Variants in ADCY8 observed in about 807,000 individuals in gnomAD.
The protein encoded by ADCY8 is adenylate cyclase 8, also known as adenylate cyclase type 8.
In ADCY8, 51 loss-of-function variants were observed where a neutral mutation model predicts 119.7. The ratio of observed to expected loss-of-function variants is 0.43; its 90% CI spans 0.34 to 0.54. ADCY8 has a LOEUF of 0.54. Among genes scored for constraint, ADCY8 ranks in the 20% least tolerant of loss-of-function variants. ADCY8 has a pLI of 0.03. For synonymous variants in ADCY8, 665 were observed against 651.0 expected, an observed-to-expected ratio of 1.02 and a Z score of -0.33; for missense variants, 1,383 against 1,598.8, an observed-to-expected ratio of 0.87 and a Z score of 2.30.
chr8:130,955,964 T>C (rs1002732677), intron 2 of ADCY8, among the ~76,000 whole-genome samples: 1 of 152,114 alleles, frequency 6.6e-6, no homozygotes, highest in Non-Finnish European at 1.5e-5. Flanking sequence ...GGGCAACATG[T>C]CAAGACCTCA....
chr8:130,886,544 GA>G (rs1193575467), intron 7 of ADCY8, among the ~76,000 whole-genome samples: 6 of 152,076 alleles, frequency 3.9e-5, no homozygotes, highest in Admixed American at 2.0e-4. Flanking sequence ...TTTTTGGTCA[GA>G]AATTTTTTTC....
intron 2 of ADCY8, among the ~76,000 whole-genome samples, chr8:130,973,488 C>T (rs1279955855): frequency 6.6e-6 from 1 of 152,192 alleles, no homozygotes; most frequent in Non-Finnish European, 1.5e-5. Flanking sequence ...TGCCCTGGTC[C>T]ACAGTCTTCC....
intron 1 of ADCY8, among the ~76,000 whole-genome samples, chr8:131,010,333 C>T (rs954467055): frequency 1.3e-5 from 2 of 152,188 alleles, no homozygotes; most frequent in East Asian, 3.9e-4. Context: ...TAAAATCCAA[C>T]TATTATTTGC....
intron 7 of ADCY8, among the ~76,000 whole-genome samples, chr8:130,903,346 A>C (rs563058610): frequency 3.9e-5 from 6 of 151,982 alleles, no homozygotes; most frequent in Admixed American, 6.6e-5. Context: ...CCTGATTTTG[A>C]ATCTCAGAGG....
chr8:130,946,608 G>GC (rs1425943762), intron 3 of ADCY8, among the ~76,000 whole-genome samples: 3 of 152,228 alleles, frequency 2.0e-5, no homozygotes, highest in African/African-American at 7.2e-5. Context: ...ACTCTCAATA[G>GC]CACAATCATA....
At chr8:130,943,541 C>A (rs1821024252) in intron 3 of ADCY8, 79 bp from the exon 4 acceptor site, 4 of 830,982 alleles carry the variant, frequency 4.8e-6, no homozygotes, top group Non-Finnish European at 7.9e-6. Context: ...CACATCAACA[C>A]CATCCCAGCA....
At chr8:131,027,311 C>A (rs1823851801) in intron 1 of ADCY8, among the ~76,000 whole-genome samples, 2 of 152,100 alleles carry the variant, frequency 1.3e-5, no homozygotes, top group African/African-American at 4.8e-5. Context: ...TTGAATATTG[C>A]CAGGCAAGGA....
chr8:130,838,097 A>T (rs886128754), intron 11 of ADCY8, among the ~76,000 whole-genome samples: 1 of 152,224 alleles, frequency 6.6e-6, no homozygotes, highest in African/African-American at 2.4e-5. Context: ...ATGTCTAAGT[A>T]ATTACTGAAG....
At chr8:131,019,825 C>CTCTCTCTCTCTG (rs1823600094) in intron 1 of ADCY8, among the ~76,000 whole-genome samples, 1 of 124,582 alleles carries the variant, frequency 8.0e-6, no homozygotes, top group African/African-American at 3.4e-5. Context: ...CTCTCTCTCT[C>CTCTCTCTCTCTG]TCTCTCTCTC....
At chr8:130,850,471 A>C (rs1000968377) in intron 9 of ADCY8, among the ~76,000 whole-genome samples, 8 of 152,126 alleles carry the variant, frequency 5.3e-5, no homozygotes, top group African/African-American at 1.9e-4. Flanking sequence ...CTCTGGAGGC[A>C]TCTTTAACTC....
intron 1 of ADCY8, among the ~76,000 whole-genome samples, chr8:131,027,906 A>G (rs1823870162): frequency 6.6e-6 from 1 of 152,240 alleles, no homozygotes; most frequent in African/African-American, 2.4e-5. Context: ...AAAGAAGAGT[A>G]TGTAACCAGC....
intron 1 of ADCY8, among the ~76,000 whole-genome samples, chr8:131,034,838 T>G (rs533308554): frequency 2.6e-5 from 4 of 152,304 alleles, no homozygotes; most frequent in Non-Finnish European, 5.9e-5. Context: ...TAAATATTGC[T>G]GCCTCTCAGT....
intron 8 of ADCY8, among the ~76,000 whole-genome samples, chr8:130,873,777 G>A (rs1369235753): frequency 6.6e-6 from 1 of 152,026 alleles, no homozygotes; most frequent in Non-Finnish European, 1.5e-5. Flanking sequence ...TATTTCCAGT[G>A]TTGGGGGAAA....
intron 2 of ADCY8, among the ~76,000 whole-genome samples, chr8:130,958,074 T>C (rs1274842371): frequency 6.6e-6 from 1 of 152,266 alleles, no homozygotes; most frequent in East Asian, 1.9e-4. Context: ...GAATGGTAGA[T>C]CTACCAATAG....
chr8:130,975,740 G>A (rs923659806), intron 2 of ADCY8, among the ~76,000 whole-genome samples: 2 of 152,134 alleles, frequency 1.3e-5, no homozygotes, highest in African/African-American at 4.8e-5. Flanking sequence ...AACCAGGCCT[G>A]TCTAACTCTA....
intron 5 of ADCY8, among the ~76,000 whole-genome samples, chr8:130,912,659 G>T (rs759731664): frequency 2.4e-4 from 36 of 152,324 alleles, no homozygotes; most frequent in Admixed American, 5.2e-4. Flanking sequence ...ATTGGGTTGA[G>T]AATATGGAAA....
At chr8:130,805,956 G>A (rs1023338690) in intron 14 of ADCY8, among the ~76,000 whole-genome samples, 2 of 152,200 alleles carry the variant, frequency 1.3e-5, no homozygotes, top group South Asian at 2.1e-4. Flanking sequence ...CAATTGTCTC[G>A]AGGTCCAGTG....
intron 5 of ADCY8, among the ~76,000 whole-genome samples, chr8:130,924,431 G>A (rs1245395762): frequency 6.6e-5 from 10 of 152,160 alleles, no homozygotes. Flanking sequence ...TGGATGAAAT[G>A]GGGGTTGCTA....
At chr8:130,865,787 A>T (rs1361678178) in intron 9 of ADCY8, among the ~76,000 whole-genome samples, 2 of 152,120 alleles carry the variant, frequency 1.3e-5, no homozygotes, top group East Asian at 3.9e-4. Flanking sequence ...ATTGTAAGTG[A>T]TTTTGATTTC....
Sources: gnomAD v4.1 joint callset for allele counts (sites outside exome capture counted in the v4.1 genomes callset) on GRCh38, gnomAD v4.1.1 for gene constraint, MANE v1.5 for transcripts, NCBI Gene and HGNC (gene_info 2026-07-23, HGNC 2026-07-21) for gene names.